Variants in CEACAM4 observed in about 807,000 individuals in gnomAD.
CEACAM4 encodes the protein CEA cell adhesion molecule 4.
In CEACAM4, 30 loss-of-function variants were observed where a neutral mutation model predicts 28.7. That is an observed-to-expected ratio of 1.05 (90% CI 0.78 to 1.42). CEACAM4 has a LOEUF of 1.42. Ranked by LOEUF, CEACAM4 falls within the 40% of genes most tolerant of loss-of-function variation. The probability of loss-of-function intolerance (pLI) is 0.00; values close to 1 mark genes in which losing one functional copy is unlikely to be tolerated. For synonymous variants in CEACAM4, 143 were observed against 126.5 expected, an observed-to-expected ratio of 1.13 and a Z score of -0.87; for missense variants, 330 against 308.2, an observed-to-expected ratio of 1.07 and a Z score of -0.53.
chr19:41,622,895 T>C (rs1192376871), intron 2 of CEACAM4, among the ~76,000 whole-genome samples: 1 of 151,706 alleles, frequency 6.6e-6, no homozygotes, highest in East Asian at 1.9e-4. Context: ...GATAGATAGA[T>C]AGATATAGTA....
chr19:41,614,465 G>C (rs1220491830), downstream of CEACAM4, among the ~76,000 whole-genome samples: 3 of 152,222 alleles, frequency 2.0e-5, no homozygotes, highest in African/African-American at 7.2e-5. Context: ...AGTCCCATCA[G>C]AAGTATATGG....
intron 2 of CEACAM4, among the ~76,000 whole-genome samples, chr19:41,624,118 A>G (rs2071487370): frequency 6.6e-6 from 1 of 152,124 alleles, no homozygotes; most frequent in Non-Finnish European, 1.5e-5. Context: ...AAGAGGTTAT[A>G]GATCATTCCT....
At chr19:41,625,464 T>C in intron 2 of CEACAM4, 137 bp downstream of exon 2, 2 of 968,366 alleles carry the variant, frequency 2.1e-6, no homozygotes, top group Non-Finnish European at 3.1e-6. Flanking sequence ...ACCATGTGTG[T>C]GTCCTGCACT....
Position 41,622,853 on chromosome 19 carries a change from TATAGATAGATAGATAGATAG to T in CEACAM4, c.425-1105_425-1086del, listed in dbSNP as rs1288831230. Among the ~76,000 whole-genome samples the T allele has an allele frequency of 1.4e-4, 18 of 132,332 alleles. No homozygotes were observed. In the East Asian group the frequency reaches 1.7e-3, roughly 13 times the overall value. 86.8% of individuals were successfully genotyped at this position (132,332 alleles called of 152,430 possible). A position where few individuals can be genotyped will look rare whatever the true frequency, so the allele number is the denominator to read the frequency against. On this transcript the variant is annotated intron_variant, in intron 2 of 6. Transcript: ENST00000221954. ...GATCTCTAGCATATATATACATATA[TATAGATAGATAGATAGATAG>T]ATAGATAGATAGATAGATAGATAGA... is the stretch of plus-strand genomic sequence containing the variant.
In CEACAM4 at chr19:41,625,913, T is replaced by A. The variant is rs782605972; in HGVS notation, c.112A>T (p.Ile38Phe). The A allele has an allele frequency of 1.2e-6, 2 of 1,613,648 alleles. No individual in the cohort carries two copies. The highest frequency in any genetic ancestry group is 1.1e-5 in the South Asian group (1 of 91,072). Residue 38 changes from isoleucine (I) to phenylalanine (F), a missense_variant, in exon 2 of 7, where the codon ATT (isoleucine) becomes TTT (phenylalanine). Physicochemically the swap from Ile to Phe is conservative, Grantham distance 21. Coordinates refer to ENST00000221954, the MANE Select transcript of CEACAM4 (RefSeq NM_001817.4). ...WHPPTTVQFT[I>F]EALPSSAAEG... is the part of the protein sequence containing the mutation. ...GCAGCACTGGACGGCAGGGCTTCAA[T>A]AGTGAACTGGACAGTGGTGGGCGGG... is the stretch of plus-strand genomic sequence containing the variant.
chr19:41,625,789 A>G lies in CEACAM4; in HGVS notation c.236T>C (p.Ile79Thr), dbSNP rs782522753. The G allele has an allele frequency of 1.2e-6, 2 of 1,614,038 alleles. No individual in the cohort carries two copies. Among genetic ancestry groups the G allele is most frequent in the Non-Finnish European group, 1.7e-6 (2 of 1,179,960 alleles). ...TTGAATGTCTGTTATATAACCAGCA[A>G]TGAGAGGGCTCCCTTCTGCCGTTTT... ...KGKTAEGSPL[I>T]AGYITDIQAN... The change falls in exon 2 of 7, where the codon ATT becomes ACT. Residue 79 changes from isoleucine to threonine, a missense_variant. Ile to Thr is a moderately conservative substitution (Grantham distance 89, BLOSUM62 -1). Coordinates refer to ENST00000221954, the MANE Select transcript of CEACAM4 (RefSeq NM_001817.4).
intron 1 of CEACAM4, 79 bp from the exon 2 acceptor site, chr19:41,626,039 G>A: frequency 3.0e-6 from 4 of 1,333,004 alleles, no homozygotes; most frequent in Non-Finnish European, 3.1e-6. Context: ...GTCCTCAGCA[G>A]GTCTCCTCAT....
At chr19:41,615,085 C>T (rs910648065), downstream of CEACAM4, among the ~76,000 whole-genome samples, 35 of 151,914 alleles carry the variant, frequency 2.3e-4, no homozygotes, top group African/African-American at 6.3e-4. Context: ...CAGCTGAGGA[C>T]GGAAGACATG....
chr19:41,623,955 C>T (rs1322341402), intron 2 of CEACAM4, among the ~76,000 whole-genome samples: 6 of 152,092 alleles, frequency 3.9e-5, no homozygotes, highest in African/African-American at 1.4e-4. Context: ...TCCCACAGCC[C>T]TGCAGCCCCA....
downstream of CEACAM4, among the ~76,000 whole-genome samples, chr19:41,618,323 T>C (rs889904012): frequency 1.3e-5 from 2 of 152,104 alleles, no homozygotes; most frequent in African/African-American, 2.4e-5. Context: ...GTGAGATCCA[T>C]GCCAGGGGGT....
At position 41,625,735 on chromosome 19, in the gene CEACAM4, C is replaced by T. The variant is rs1555803648; in HGVS notation, c.290G>A (p.Gly97Asp). 15 of 1,613,896 alleles carry T rather than the reference C, an allele frequency of 9.3e-6. No individual in the cohort carries two copies. The highest frequency in any genetic ancestry group is 2.7e-5 in the African/African-American group (2 of 74,864). Residue 97 changes from glycine (G) to aspartate (D), a missense_variant, in exon 2 of 7, where the codon GGT becomes GAT. Gly to Asp is a moderately conservative substitution (Grantham distance 94). Coordinates refer to ENST00000221954, the MANE Select transcript of CEACAM4 (RefSeq NM_001817.4). ...TCCATTGGGGTATACTGTCTCTCGA[C>T]CACTGTATGCGGCCCCTGGGATATT... ...QANIPGAAYS[G>D]RETVYPNGSL...
At chr19:41,621,314 G>A (rs1265372840) in intron 3 of CEACAM4, among the ~76,000 whole-genome samples, 3 of 152,088 alleles carry the variant, frequency 2.0e-5, no homozygotes, top group African/African-American at 7.2e-5. Flanking sequence ...TCCTCACTGG[G>A]TGGGTAAATT....
At chr19:41,620,765 C>T (rs1357730134) in intron 3 of CEACAM4, 138 bp from the exon 4 acceptor site, 6 of 731,706 alleles carry the variant, frequency 8.2e-6, no homozygotes, top group Admixed American at 2.5e-5. Flanking sequence ...GTGGTAGGAG[C>T]GGCCGAGGAC....
At chr19:41,622,853 T>TATAGATAGATAG (rs1288831230) in intron 2 of CEACAM4, among the ~76,000 whole-genome samples, 158 of 132,328 alleles carry the variant, frequency 1.2e-3, no homozygotes, top group South Asian at 2.0e-3. Flanking sequence ...TATACATATA[T>TATAGATAGATAG]ATAGATAGAT....
downstream of CEACAM4, among the ~76,000 whole-genome samples, chr19:41,618,318 A>T (rs781840351): frequency 3.3e-5 from 5 of 152,104 alleles, no homozygotes; most frequent in African/African-American, 7.2e-5. Flanking sequence ...GCTCAGTGAG[A>T]TCCATGCCAG....
chr19:41,620,534 A>G, intron 4 of CEACAM4, 41 bp downstream of exon 4: 1 of 1,567,778 alleles, frequency 6.4e-7, no homozygotes, highest in Non-Finnish European at 8.7e-7. Flanking sequence ...ACCGTAGGGC[A>G]GGCCTAGGGG....
rs2071555409 is a variant in CEACAM4, at chr19:41,625,189, G to C, written c.424+412C>G. Among the ~76,000 whole-genome samples, 4 of 152,302 alleles carry C rather than the reference G, an allele frequency of 2.6e-5. No homozygotes were observed. In the Middle Eastern group the frequency reaches 0.014, roughly 518 times the overall value. On this transcript the variant is annotated intron_variant, in intron 2 of 6. Transcript: ENST00000221954. ...TGCTCCCAGTAAGCCCTGCCCAGGAGACCACACCCCAGCCCTGACACAGGC... is the reference window on the plus strand; with the variant it reads ...TGCTCCCAGTAAGCCCTGCCCAGGACACCACACCCCAGCCCTGACACAGGC...
the CEACAM4 span, among the ~76,000 whole-genome samples, chr19:41,613,538 C>T: frequency 6.6e-6 from 1 of 152,034 alleles, no homozygotes; most frequent in Non-Finnish European, 1.5e-5. Flanking sequence ...CACCCACACA[C>T]ACACACAGAG....
At position 41,626,268 on chromosome 19, in the gene CEACAM4, C is replaced by T. The variant is rs528191882; in HGVS notation, c.65-308G>A. On this transcript the variant is annotated intron_variant, in intron 1 of 6. Transcript: ENST00000221954. ...CTCACATCAGGGTGTTTTTGGGAGACCCCTCCCCTGACACCTCCTCTAGAG... is the reference window on the plus strand; with the variant it reads ...CTCACATCAGGGTGTTTTTGGGAGATCCCTCCCCTGACACCTCCTCTAGAG... 2.8e-4 allele frequency among the ~76,000 whole-genome samples: 43 copies of T among 152,216 alleles called. 1 individual carries two copies. Among genetic ancestry groups the T allele is most frequent in the African/African-American group, 9.9e-4 (41 of 41,512 alleles).
Sources: gnomAD v4.1 joint callset for allele counts (sites outside exome capture counted in the v4.1 genomes callset) on GRCh38, gnomAD v4.1.1 for gene constraint, MANE v1.5 for transcripts, NCBI Gene and HGNC (gene_info 2026-07-23, HGNC 2026-07-21) for gene names.